Variants in NINL observed in about 807,000 individuals in gnomAD.
NINL encodes ninein-like protein.
NINL carries 153 observed loss-of-function variants against 160.3 expected under a neutral mutation model. The ratio of observed to expected loss-of-function variants is 0.95; its 90% confidence interval spans 0.84 to 1.09. NINL has a LOEUF of 1.09. Ranked by LOEUF, NINL falls within the 50% of genes least tolerant of loss-of-function variation. NINL has a pLI of 0.00. For missense variants in NINL, 1,829 were observed against 1,764.0 expected, an observed-to-expected ratio of 1.04 and a Z score of -0.66; for synonymous variants, 800 against 734.8, an observed-to-expected ratio of 1.09 and a Z score of -1.43.
In NINL at chr20:25,485,577, T is replaced by C. The variant is rs371844429; in HGVS notation, c.1678-3477A>G. ...TATGGGTACTTATACACCTTTTTCTTATTAGGTTATGTATTCATATTTGGA... is the reference window on the plus strand; with the variant it reads ...TATGGGTACTTATACACCTTTTTCTCATTAGGTTATGTATTCATATTTGGA... On this transcript the variant is annotated intron_variant, in intron 13 of 23. Coordinates refer to ENST00000278886, the MANE Select transcript of NINL (RefSeq NM_025176.6). Among the ~76,000 whole-genome samples the C allele has an allele frequency of 1.8e-4, 28 of 152,354 alleles. No homozygotes were observed. The South Asian group carries it at 2.1e-3, about 11-fold the overall frequency.
intron 2 of NINL, among the ~76,000 whole-genome samples, chr20:25,519,729 G>A (rs1050058221): frequency 6.6e-6 from 1 of 152,038 alleles, no homozygotes; most frequent in Non-Finnish European, 1.5e-5. Flanking sequence ...AAAGAAGCCA[G>A]AGAATGGCCG....
At chr20:25,535,530 T>C (rs1302628251) in intron 1 of NINL, among the ~76,000 whole-genome samples, 1 of 152,190 alleles carries the variant, frequency 6.6e-6, no homozygotes, top group East Asian at 1.9e-4. Flanking sequence ...TATGCATTTT[T>C]GTCAATTATA....
chr20:25,551,581 A>G (rs1036527365), intron 1 of NINL, among the ~76,000 whole-genome samples: 3 of 152,174 alleles, frequency 2.0e-5, no homozygotes, highest in Non-Finnish European at 4.4e-5. Context: ...CTGCTTTTCC[A>G]AAGAGGATGT....
intron 5 of NINL, among the ~76,000 whole-genome samples, chr20:25,507,798 C>T (rs989724261): frequency 7.2e-5 from 11 of 152,310 alleles, no homozygotes; most frequent in Admixed American, 2.6e-4. Context: ...AGGTCCCTTC[C>T]GGCCTAAGAT....
At position 25,470,150 on chromosome 20, in the gene NINL, C is replaced by G. The variant is rs985704462; in HGVS notation, c.3249-55G>C. 5.6e-6 allele frequency: 8 copies of G among 1,418,392 alleles called. No homozygotes were observed. The Middle Eastern group carries it at 5.3e-4, about 94-fold the overall frequency. The allele number at this position is 1,418,392 out of a possible 1,614,324, so 87.9% of individuals were successfully genotyped here. ...GCACTTGGGGAGCCACATGTGGTCACGGAGGCTGGCTCTGCAGCGGGGAGT... is the reference window on the plus strand; with the variant it reads ...GCACTTGGGGAGCCACATGTGGTCAGGGAGGCTGGCTCTGCAGCGGGGAGT... On this transcript the variant is annotated intron_variant, in intron 17 of 23. Coordinates refer to ENST00000278886, the MANE Select transcript of NINL (RefSeq NM_025176.6).
rs139543437 is a variant in NINL, at chr20:25,530,048, T to C, written c.-11-3450A>G. ...CCAAGAATCATGAAAAAATCTGTTTTGAAAATTCCTCTACTTTTTTTCTCT... is the reference window on the plus strand; with the variant it reads ...CCAAGAATCATGAAAAAATCTGTTTCGAAAATTCCTCTACTTTTTTTCTCT... On this transcript the variant is annotated intron_variant, in intron 1 of 23. Transcript: ENST00000278886. Among the ~76,000 whole-genome samples, 612 of 152,316 alleles carry C rather than the reference T, an allele frequency of 4.0e-3. 5 individuals are homozygous for C. The highest frequency in any genetic ancestry group is 0.014 in the African/African-American group (589 of 41,576).
chr20:25,464,138 T>TG (rs1439032285), intron 19 of NINL, among the ~76,000 whole-genome samples: 1 of 152,182 alleles, frequency 6.6e-6, no homozygotes, highest in African/African-American at 2.4e-5. Context: ...ATTTGGTGGC[T>TG]GGGCGTGGTG....
rs762297693 is a variant in NINL at position 25,476,395 on chromosome 20, C to G, written c.2896G>C (p.Ala966Pro). 6.3e-7 allele frequency: 1 copy of G among 1,599,986 alleles called. No individual in the cohort carries two copies. The highest frequency in any genetic ancestry group is 1.7e-5 in the Admixed American group (1 of 59,090). The change falls in exon 17 of 24, where the codon GCT becomes CCT. Residue 966 changes from alanine to proline, a missense_variant. By Grantham distance (27) the Ala-to-Pro change is conservative (BLOSUM62 -1). Transcript: ENST00000278886. ...CTCTCAGCCTGTCCCCTGCACGAAGCGGCCGGCCTCAGGGGTGGCTCCCAC... is the reference window on the plus strand; with the variant it reads ...CTCTCAGCCTGTCCCCTGCACGAAGGGGCCGGCCTCAGGGGTGGCTCCCAC... ...RMWEPPLRPAASCRGQAERLQ... is the reference protein window; with the variant it reads ...RMWEPPLRPAPSCRGQAERLQ...
chr20:25,455,447 C>T (rs986637933), intron 23 of NINL, among the ~76,000 whole-genome samples: 1 of 152,142 alleles, frequency 6.6e-6, no homozygotes. Flanking sequence ...AACAAATGAA[C>T]GGATGAGTCC....
At chr20:25,584,761 C>T (rs2065208981) in intron 1 of NINL, among the ~76,000 whole-genome samples, 1 of 152,186 alleles carries the variant, frequency 6.6e-6, no homozygotes, top group African/African-American at 2.4e-5. Flanking sequence ...ACATACAGCC[C>T]CACACAGAGC....
At chr20:25,486,661 G>A (rs538295077) in intron 13 of NINL, among the ~76,000 whole-genome samples, 20 of 152,262 alleles carry the variant, frequency 1.3e-4, no homozygotes, top group Admixed American at 8.5e-4. Context: ...AGGGAACAAC[G>A]GCAGGGTGCC....
intron 1 of NINL, among the ~76,000 whole-genome samples, chr20:25,557,071 A>G (rs942250398): frequency 2.0e-5 from 3 of 152,180 alleles, no homozygotes; most frequent in African/African-American, 4.8e-5. Flanking sequence ...ACAACTCTGC[A>G]TGTATTTTAT....
rs892378493 is a variant in NINL at position 25,517,660 on chromosome 20, T to C, written c.277+93A>G. ...TGACAGAAAGTAAGGTAGAATTCAGTTTTCAGAACTGCTGGATTCTTTCAT... is the reference window on the plus strand; with the variant it reads ...TGACAGAAAGTAAGGTAGAATTCAGCTTTCAGAACTGCTGGATTCTTTCAT... On this transcript the variant is annotated intron_variant, in intron 3 of 23. Transcript: ENST00000278886. 7.2e-6 allele frequency: 7 copies of C among 966,410 alleles called. No homozygotes were observed. The African/African-American group carries it at 1.2e-4, about 17-fold the overall frequency. 59.9% of individuals were successfully genotyped at this position (966,410 alleles called of 1,614,324 possible).
chr20:25,582,535 CAA>C (rs2065185691), intron 1 of NINL, among the ~76,000 whole-genome samples: 1 of 152,002 alleles, frequency 6.6e-6, no homozygotes, highest in South Asian at 2.1e-4. Flanking sequence ...TCTCATTCTA[CAA>C]AAAAGAGTTA....
chr20:25,528,643 T>G (rs2064398804), intron 1 of NINL, among the ~76,000 whole-genome samples: 1 of 152,156 alleles, frequency 6.6e-6, no homozygotes. Context: ...CTTTTGTAAG[T>G]AGAAAATGTT....
At chr20:25,537,875 C>T (rs1219584808) in intron 1 of NINL, among the ~76,000 whole-genome samples, 1 of 152,180 alleles carries the variant, frequency 6.6e-6, no homozygotes, top group South Asian at 2.1e-4. Context: ...ATGCACGTCA[C>T]GTTAACTGCA....
intron 1 of NINL, among the ~76,000 whole-genome samples, chr20:25,546,800 T>C (rs540369363): frequency 3.3e-5 from 5 of 151,428 alleles, no homozygotes; most frequent in South Asian, 2.1e-4. Context: ...CTTGTCAGAC[T>C]GTGCCTCAGG....
At chr20:25,565,797 TG>T (rs1276713537) in intron 1 of NINL, among the ~76,000 whole-genome samples, 1 of 152,136 alleles carries the variant, frequency 6.6e-6, no homozygotes, top group East Asian at 1.9e-4. Flanking sequence ...TCTAATCTGC[TG>T]GGGGCCTGGA....
At chr20:25,455,957 G>A (rs139853422) in intron 22 of NINL, among the ~76,000 whole-genome samples, 171 bp from the exon 23 acceptor site, 132 of 152,206 alleles carry the variant, frequency 8.7e-4, no homozygotes, top group African/African-American at 3.1e-3. Flanking sequence ...TTAGCCGTGT[G>A]TGGTGGTGCG....
Sources: gnomAD v4.1 joint callset for allele counts (sites outside exome capture counted in the v4.1 genomes callset) on GRCh38, gnomAD v4.1.1 for gene constraint, MANE v1.5 for transcripts, NCBI Gene and HGNC (gene_info 2026-07-23, HGNC 2026-07-21) for gene names.